The following CDK15 variants were observed in gnomAD, a reference collection of about 807,000 sequenced individuals.
CDK15 encodes cyclin-dependent kinase 15.
A neutral mutation model predicts 60.3 loss-of-function variants in CDK15; 62 were observed. The ratio of observed to expected loss-of-function variants is 1.03; its 90% CI spans 0.84 to 1.27. The LOEUF is 1.27. Ranked by LOEUF, CDK15 falls within the 50% of genes most tolerant of loss-of-function variation. The pLI is 0.00. For synonymous variants in CDK15, 194 were observed against 195.7 expected (o/e 0.99, Z 0.07); for missense variants, 541 against 527.8 (o/e 1.03, Z -0.25).
chr2:201,887,104 CAAT>C (rs1313089260), intron 12 of CDK15, among the ~76,000 whole-genome samples: 1 of 152,084 alleles, frequency 6.6e-6, no homozygotes, highest in Non-Finnish European at 1.5e-5. Context: ...TAAAAAGAAG[CAAT>C]GTCACTGTTA....
rs546517552 is a variant in CDK15 at position 201,880,016 on chromosome 2, C to T, written c.1059-12C>T. 4.3e-6 allele frequency: 7 copies of T among 1,611,242 alleles called. No individual in the cohort carries two copies. In the African/African-American group the frequency reaches 8.0e-5, roughly 18 times the overall value. On this transcript the variant is annotated splice_polypyrimidine_tract_variant and intron_variant, in intron 11 of 13. Coordinates refer to ENST00000652192, the MANE Select transcript of CDK15 (RefSeq NM_001366386.2). ...GCTGGAGAAACTCTATTTTTCTCTC[C>T]CACTTTTCCAGGCTGGGCAGGGTTC...
At position 201,893,307 on chromosome 2, in the gene CDK15, A is replaced by G. The variant is rs1028971595; in HGVS notation, c.*40A>G. ...ATTTTTCATTCACTTCCAGGGCTGT[A>G]TTTCTGCAGTTTCGGTTTTCATTTG... On this transcript the variant is annotated 3_prime_UTR_variant, in exon 14 of 14. Coordinates refer to ENST00000652192, the MANE Select transcript of CDK15 (RefSeq NM_001366386.2). The G allele has an allele frequency of 4.6e-5, 7 of 152,064 alleles. No individual in the cohort carries two copies. The highest frequency in any genetic ancestry group is 4.1e-4 in the South Asian group (2 of 4,820). 9.4% of individuals were successfully genotyped at this position (152,064 alleles called of 1,614,324 possible).
chr2:201,835,536 TA>T (rs1696966860), intron 7 of CDK15, 106 bp from the exon 8 acceptor site: 2 of 1,229,934 alleles, frequency 1.6e-6, no homozygotes, highest in African/African-American at 1.5e-5. Context: ...TAAAAGCACC[TA>T]AAGTTTGTGT....
chr2:201,817,356 G>T (rs1330064616), intron 4 of CDK15, among the ~76,000 whole-genome samples: 2 of 152,126 alleles, frequency 1.3e-5, no homozygotes, highest in East Asian at 1.9e-4. Flanking sequence ...TTGAGGTTTT[G>T]ATTTGCATTT....
At chr2:201,852,311 A>G (rs991986705) in intron 9 of CDK15, among the ~76,000 whole-genome samples, 17 of 152,200 alleles carry the variant, frequency 1.1e-4, no homozygotes, top group African/African-American at 3.9e-4. Context: ...CAATGGGTCC[A>G]TTCTAAATCT....
At chr2:201,821,059 C>T (rs1188260087) in intron 4 of CDK15, among the ~76,000 whole-genome samples, 3 of 152,170 alleles carry the variant, frequency 2.0e-5, no homozygotes, top group Non-Finnish European at 2.9e-5. Flanking sequence ...TTACCCAACA[C>T]TGGTTTGCTG....
intron 1 of CDK15, among the ~76,000 whole-genome samples, chr2:201,807,080 TA>T (rs1695543388): frequency 6.6e-6 from 1 of 152,112 alleles, no homozygotes; most frequent in South Asian, 2.1e-4. Context: ...AGCTGAAACT[TA>T]AAAGGCAAGC....
chr2:201,843,614 C>T (rs1697499705), intron 8 of CDK15, among the ~76,000 whole-genome samples: 1 of 152,078 alleles, frequency 6.6e-6, no homozygotes, highest in Non-Finnish European at 1.5e-5. Context: ...TAAAGACTTG[C>T]ACAAGTGCAC....
chr2:201,816,423 C>CCATCTG, intron 4 of CDK15, among the ~76,000 whole-genome samples: 1 of 148,210 alleles, frequency 6.7e-6, no homozygotes, highest in South Asian at 2.2e-4. Context: ...ATAATGGCCT[C>CCATCTG]CATCTGCATC....
chr2:201,860,341 A>C (rs1406671213), intron 10 of CDK15, among the ~76,000 whole-genome samples: 1 of 152,258 alleles, frequency 6.6e-6, no homozygotes, highest in Non-Finnish European at 1.5e-5. Flanking sequence ...ATAACAGTGC[A>C]TGACATTAGT....
At chr2:201,822,336 C>A (rs1476614236) in intron 4 of CDK15, among the ~76,000 whole-genome samples, 1 of 152,206 alleles carries the variant, frequency 6.6e-6, no homozygotes, top group Non-Finnish European at 1.5e-5. Context: ...TGTCTCCCAC[C>A]AATCATATCC....
chr2:201,865,642 C>G (rs1163021491), intron 10 of CDK15, among the ~76,000 whole-genome samples: 1 of 152,076 alleles, frequency 6.6e-6, no homozygotes, highest in African/African-American at 2.4e-5. Flanking sequence ...TTAATCCCAG[C>G]ATTTTGGGAG....
At chr2:201,861,121 C>T (rs1201600689) in intron 10 of CDK15, 1 of 1,044,262 alleles carries the variant, frequency 9.6e-7, no homozygotes, top group Non-Finnish European at 1.2e-6. Flanking sequence ...TCATATGGAA[C>T]TGTAAGTCCA....
chr2:201,886,375 G>A (rs2105841485), intron 12 of CDK15, among the ~76,000 whole-genome samples: 1 of 151,434 alleles, frequency 6.6e-6, no homozygotes, highest in Middle Eastern at 3.4e-3. Flanking sequence ...GCCCAGGCTG[G>A]AGCGCAATGG....
At chr2:201,829,092 A>G (rs1009577526) in intron 6 of CDK15, among the ~76,000 whole-genome samples, 2 of 152,236 alleles carry the variant, frequency 1.3e-5, no homozygotes, top group Non-Finnish European at 2.9e-5. Context: ...GCGCCATTAA[A>G]TGGTTTTAAA....
chr2:201,871,423 A>AT (rs1698847094), intron 10 of CDK15, among the ~76,000 whole-genome samples: 1 of 150,990 alleles, frequency 6.6e-6, no homozygotes, highest in Non-Finnish European at 1.5e-5. Flanking sequence ...TGCTGGGATT[A>AT]TAGGCAAGAG....
intron 10 of CDK15, chr2:201,861,029 G>A: frequency 8.6e-7 from 1 of 1,157,836 alleles, no homozygotes; most frequent in South Asian, 1.8e-5. Flanking sequence ...GGTTGTATGA[G>A]CTATTAGCCA....
chr2:201,822,149 C>A (rs940058787), intron 4 of CDK15, among the ~76,000 whole-genome samples: 6 of 152,204 alleles, frequency 3.9e-5, no homozygotes, highest in Non-Finnish European at 5.9e-5. Context: ...ATTGAAGAGG[C>A]AAGAGAAAGC....
intron 10 of CDK15, among the ~76,000 whole-genome samples, chr2:201,855,565 G>A (rs1396449719): frequency 6.6e-6 from 1 of 152,156 alleles, no homozygotes; most frequent in Admixed American, 6.5e-5. Flanking sequence ...AGATTAAGCA[G>A]TAGTCACTTC....
Sources: gnomAD v4.1 joint callset for allele counts (sites outside exome capture counted in the v4.1 genomes callset) on GRCh38, gnomAD v4.1.1 for gene constraint, MANE v1.5 for transcripts, NCBI Gene and HGNC (gene_info 2026-07-23, HGNC 2026-07-21) for gene names.